Variants in CNBD1 observed in about 807,000 individuals in gnomAD.
CNBD1 encodes the protein cyclic nucleotide binding domain containing 1, also known as cyclic nucleotide-binding domain-containing protein 1.
A neutral mutation model predicts 54.4 loss-of-function variants in CNBD1; 71 were observed. That is an observed-to-expected ratio of 1.30 (90% CI 1.08 to 1.59). The LOEUF (loss-of-function observed/expected upper bound fraction) is 1.59. CNBD1 is among the 40% of genes most tolerant of loss of function. CNBD1 has a pLI of 0.00. For synonymous variants in CNBD1, 182 were observed against 170.7 expected (o/e 1.07, Z -0.51); for missense variants, 659 against 518.0 (o/e 1.27, Z -2.64).
chr8:87,357,878 T>C lies in CNBD1; in HGVS notation c.1303+4092T>C, dbSNP rs564345849. 1.5e-4 allele frequency among the ~76,000 whole-genome samples: 23 copies of C among 152,180 alleles called. 1 individual carries two copies. In the South Asian group the frequency reaches 4.4e-3, roughly 29 times the overall value. Reference sequence around the variant, plus strand: ...TAGAGGTGGGGACTGGTGAGGGGTGTTTGTGTTATTGAGGTAGACTCCTAA... The same window carrying C: ...TAGAGGTGGGGACTGGTGAGGGGTGCTTGTGTTATTGAGGTAGACTCCTAA... On this transcript the variant is annotated intron_variant, in intron 10 of 10. Coordinates refer to ENST00000518476, the MANE Select transcript of CNBD1 (RefSeq NM_173538.3).
intron 4 of CNBD1, among the ~76,000 whole-genome samples, chr8:87,021,201 G>A (rs574531523): frequency 6.6e-6 from 1 of 152,288 alleles, no homozygotes; most frequent in Non-Finnish European, 1.5e-5. Flanking sequence ...ATGGGCCATG[G>A]TCACTCATAT....
chr8:87,028,396 A>G (rs1809702677), intron 4 of CNBD1, among the ~76,000 whole-genome samples: 1 of 152,200 alleles, frequency 6.6e-6, no homozygotes, highest in African/African-American at 2.4e-5. Flanking sequence ...CAGCTGAACC[A>G]TGAGCAATGC....
intron 4 of CNBD1, among the ~76,000 whole-genome samples, chr8:86,971,381 A>G (rs915124692): frequency 5.3e-5 from 8 of 152,164 alleles, no homozygotes; most frequent in Admixed American, 2.6e-4. Context: ...CAGGTACCTC[A>G]ACAAATGGGG....
intron 4 of CNBD1, among the ~76,000 whole-genome samples, chr8:87,143,493 T>C (rs1172405262): frequency 6.6e-6 from 1 of 152,204 alleles, no homozygotes; most frequent in African/African-American, 2.4e-5. Context: ...CAAAATAATT[T>C]ACTTCCATAT....
At chr8:87,074,901 C>G (rs909813037) in intron 4 of CNBD1, among the ~76,000 whole-genome samples, 1 of 152,150 alleles carries the variant, frequency 6.6e-6, no homozygotes, top group Non-Finnish European at 1.5e-5. Context: ...AGTTTCATTT[C>G]TTTAGCATTA....
intron 4 of CNBD1, among the ~76,000 whole-genome samples, chr8:86,983,314 T>C (rs767702021): frequency 2.0e-5 from 3 of 152,210 alleles, no homozygotes; most frequent in South Asian, 2.1e-4. Context: ...GTGTGGAACT[T>C]TAAGTCCATT....
chr8:86,915,519 CAA>C (rs546382883), intron 3 of CNBD1, among the ~76,000 whole-genome samples: 72 of 152,246 alleles, frequency 4.7e-4, no homozygotes, highest in Middle Eastern at 3.4e-3. Flanking sequence ...AAATATCTCC[CAA>C]AGTTAGCTCG....
At chr8:87,165,783 CTTT>C (rs372039275) in intron 4 of CNBD1, among the ~76,000 whole-genome samples, 7 of 152,036 alleles carry the variant, frequency 4.6e-5, no homozygotes, top group African/African-American at 1.7e-4. Flanking sequence ...TCTGTCTAAA[CTTT>C]TTTATTTTTT....
At chr8:87,037,584 C>T (rs758035890) in intron 4 of CNBD1, among the ~76,000 whole-genome samples, 15 of 152,140 alleles carry the variant, frequency 9.9e-5, no homozygotes, top group Middle Eastern at 3.4e-3. Context: ...GCTTTGTCTT[C>T]CAACTCTTCT....
At chr8:87,395,310 C>T (rs1364114087) in intron 2 of CNBD1, among the ~76,000 whole-genome samples, 1 of 151,592 alleles carries the variant, frequency 6.6e-6, no homozygotes, top group Non-Finnish European at 1.5e-5. Flanking sequence ...ATATTTTTTG[C>T]CAGTAGTGAA....
intron 4 of CNBD1, among the ~76,000 whole-genome samples, chr8:87,126,406 G>T (rs1157338216): frequency 6.6e-6 from 1 of 151,932 alleles, no homozygotes; most frequent in Non-Finnish European, 1.5e-5. Flanking sequence ...CTGGTGTTGA[G>T]CATCTTTCAG....
Position 87,176,767 on chromosome 8 carries a change from G to C in CNBD1, c.432-29226G>C, listed in dbSNP as rs1164810561. Among the ~76,000 whole-genome samples, 5 of 152,012 alleles carry C rather than the reference G, an allele frequency of 3.3e-5. No homozygotes were observed. In the East Asian group the frequency reaches 7.7e-4, roughly 23 times the overall value. Reference sequence around the variant, plus strand: ...GCCTTCCAAAGTGCTGGGATTACAGGCGTGAGCCACCGTGCCTGGCTTTGC... The same window carrying C: ...GCCTTCCAAAGTGCTGGGATTACAGCCGTGAGCCACCGTGCCTGGCTTTGC... On this transcript the variant is annotated intron_variant, in intron 4 of 10. Coordinates refer to ENST00000518476, the MANE Select transcript of CNBD1 (RefSeq NM_173538.3).
intron 4 of CNBD1, among the ~76,000 whole-genome samples, chr8:87,043,447 C>T (rs1810116674): frequency 6.6e-6 from 1 of 152,164 alleles, no homozygotes; most frequent in African/African-American, 2.4e-5. Context: ...TGATTCAACA[C>T]ATTTTGTCTG....
intron 10 of CNBD1, among the ~76,000 whole-genome samples, chr8:87,355,123 CAAGT>C (rs1364573865): frequency 6.6e-5 from 10 of 152,140 alleles, no homozygotes; most frequent in South Asian, 4.1e-4. Context: ...TTGGGATACT[CAAGT>C]GAGTGTTTGT....
intron 4 of CNBD1, among the ~76,000 whole-genome samples, chr8:87,181,004 C>T (rs1813300078): frequency 6.6e-6 from 1 of 152,160 alleles, no homozygotes. Context: ...TTGAATTTCT[C>T]CACTCTGCAA....
At chr8:87,415,697 C>G (rs1214926702) in intron 2 of CNBD1, among the ~76,000 whole-genome samples, 1 of 151,862 alleles carries the variant, frequency 6.6e-6, no homozygotes, top group Non-Finnish European at 1.5e-5. Flanking sequence ...TTCTAGATTC[C>G]TGTCCAAACT....
chr8:87,389,297 G>T (rs913222900), intron 2 of CNBD1, among the ~76,000 whole-genome samples: 2 of 152,180 alleles, frequency 1.3e-5, no homozygotes, highest in African/African-American at 4.8e-5. Context: ...ATTAGGAAAA[G>T]AGGAAGTCAA....
chr8:87,380,042 C>A (rs1409021771), intron 10 of CNBD1, among the ~76,000 whole-genome samples: 12 of 151,622 alleles, frequency 7.9e-5, no homozygotes, highest in African/African-American at 2.9e-4. Flanking sequence ...TAATGCAAGA[C>A]AATAATATAA....
intron 4 of CNBD1, among the ~76,000 whole-genome samples, chr8:87,099,736 A>G (rs1413271578): frequency 1.3e-5 from 2 of 152,222 alleles, no homozygotes; most frequent in Non-Finnish European, 2.9e-5. Flanking sequence ...TTTGTATGAT[A>G]TAAGGTTAAG....
Sources: allele counts gnomAD v4.1 joint callset (sites outside exome capture counted in the v4.1 genomes callset), GRCh38; gene constraint gnomAD v4.1.1; transcripts MANE v1.5; gene names NCBI Gene and HGNC (gene_info 2026-07-23, HGNC 2026-07-21).